PMS1: variants seen among roughly 807,000 people sequenced by gnomAD.
PMS1 encodes the protein PMS1 homolog 1, mismatch repair system component, also known as PMS1 protein homolog 1.
Under a neutral mutation model 93.1 loss-of-function variants are expected in PMS1, and 79 were observed. The observed-to-expected ratio is 0.85, with a 90% CI of 0.71 to 1.02. The LOEUF is 1.02. Ranked by LOEUF, PMS1 falls within the 50% of genes least tolerant of loss-of-function variation. The pLI is 0.00. For missense variants in PMS1, 1,064 were observed against 1,085.3 expected (o/e 0.98, Z 0.28); for synonymous variants, 335 against 363.4 (o/e 0.92, Z 0.89).
At chr2:189,866,614 A>C (rs750608479) in intron 10 of PMS1, among the ~76,000 whole-genome samples, 1 of 152,186 alleles carries the variant, frequency 6.6e-6, no homozygotes, top group African/African-American at 2.4e-5. Context: ...CCTATAAAGT[A>C]AGGGCTCAAT....
chr2:189,810,787 CACTCT>C (rs941996615), intron 4 of PMS1, among the ~76,000 whole-genome samples: 15 of 152,242 alleles, frequency 9.9e-5, no homozygotes, highest in African/African-American at 3.6e-4. Flanking sequence ...ATATATTCTT[CACTCT>C]ACTCTTGGCA....
At chr2:189,793,794 C>T (rs1444745425) in intron 2 of PMS1, among the ~76,000 whole-genome samples, 1 of 152,218 alleles carries the variant, frequency 6.6e-6, no homozygotes, top group Non-Finnish European at 1.5e-5. Context: ...TTAAGATATA[C>T]ACCTTAAATG....
chr2:189,800,581 G>A (rs1354174076), intron 3 of PMS1, among the ~76,000 whole-genome samples: 1 of 151,992 alleles, frequency 6.6e-6, no homozygotes, highest in Non-Finnish European at 1.5e-5. Context: ...AAAGAATTGA[G>A]GTTTCATATA....
rs748563735 is a variant in PMS1, at chr2:189,855,064, T to A, written c.1792T>A (p.Leu598Ile). The A allele has an allele frequency of 1.9e-6, 3 of 1,613,238 alleles. No individual in the cohort carries two copies. The highest frequency in any genetic ancestry group is 2.5e-6 in the Non-Finnish European group (3 of 1,179,386). Residue 598 changes from leucine to isoleucine, a missense_variant, in exon 9 of 13, where the codon TTA becomes ATA. Coordinates refer to ENST00000441310, the MANE Select transcript of PMS1 (RefSeq NM_000534.5). ...TCTCATAGAAAATCCTAAGACTAGT[T>A]TAGAGGATGCAACACTACAAATTGA... ...QFLIENPKTS[L>I]EDATLQIEEL...
At chr2:189,855,152 G>T (rs201491881) in intron 9 of PMS1, 24 bp downstream of exon 9, 2 of 1,593,578 alleles carry the variant, frequency 1.3e-6, no homozygotes, top group African/African-American at 2.7e-5. Flanking sequence ...GCTTGCATGT[G>T]ACTTGAATGT....
At chr2:189,866,678 A>T (rs918389629) in intron 10 of PMS1, among the ~76,000 whole-genome samples, 1 of 152,222 alleles carries the variant, frequency 6.6e-6, no homozygotes, top group African/African-American at 2.4e-5. Flanking sequence ...GTATGATAGG[A>T]ATTTGGCAAA....
chr2:189,853,738 A>G (rs929331789), intron 7 of PMS1, among the ~76,000 whole-genome samples: 3 of 151,828 alleles, frequency 2.0e-5, no homozygotes, highest in Non-Finnish European at 1.5e-5. Context: ...GCTGGTCTTG[A>G]ACTCCTGACC....
chr2:189,810,971 A>G (rs2050788372), intron 4 of PMS1, among the ~76,000 whole-genome samples: 1 of 147,904 alleles, frequency 6.8e-6, no homozygotes, highest in Non-Finnish European at 1.5e-5. Context: ...AGATGTTTGA[A>G]TTAACAGACA....
At chr2:189,860,097 C>T (rs2055792181) in intron 9 of PMS1, among the ~76,000 whole-genome samples, 1 of 152,084 alleles carries the variant, frequency 6.6e-6, no homozygotes. Flanking sequence ...GTAAAATTTA[C>T]CTAATGTGAA....
chr2:189,849,940 T>C (rs1386377373), intron 6 of PMS1, among the ~76,000 whole-genome samples: 1 of 150,414 alleles, frequency 6.6e-6, no homozygotes. Flanking sequence ...CAGATTTCAG[T>C]CCCCTGTCTT....
chr2:189,810,218 T>C (rs1366322700), intron 4 of PMS1, among the ~76,000 whole-genome samples: 1 of 152,216 alleles, frequency 6.6e-6, no homozygotes, highest in Admixed American at 6.5e-5. Flanking sequence ...AGTGTAACCT[T>C]TCGGCAAGAG....
chr2:189,877,154 T>G, intron 12 of PMS1, 118 bp from the exon 13 acceptor site: 1 of 834,760 alleles, frequency 1.2e-6, no homozygotes, highest in Non-Finnish European at 1.9e-6. Flanking sequence ...AATAAATATT[T>G]GTTGAGTGAA....
intron 1 of PMS1, among the ~76,000 whole-genome samples, chr2:189,789,912 A>C (rs2048692586): frequency 6.6e-6 from 1 of 152,146 alleles, no homozygotes; most frequent in Non-Finnish European, 1.5e-5. Flanking sequence ...AATAAGATGC[A>C]AAAAGCACCC....
At chr2:189,831,503 G>A (rs1453078818) in intron 5 of PMS1, among the ~76,000 whole-genome samples, 1 of 152,150 alleles carries the variant, frequency 6.6e-6, no homozygotes, top group Non-Finnish European at 1.5e-5. Flanking sequence ...AGTGGCAAAG[G>A]ACCAGAAAAG....
intron 5 of PMS1, among the ~76,000 whole-genome samples, chr2:189,831,603 C>G (rs1327967897): frequency 6.6e-6 from 1 of 152,086 alleles, no homozygotes; most frequent in African/African-American, 2.4e-5. Context: ...ATTTGAGTTT[C>G]TCCTATAATG....
intron 12 of PMS1, among the ~76,000 whole-genome samples, chr2:189,876,314 A>T (rs142259868): frequency 1.6e-3 from 245 of 152,188 alleles, no homozygotes; most frequent in African/African-American, 5.8e-3. Context: ...ATTAGAGAGG[A>T]ATAAGAAGAT....
At chr2:189,817,634 G>A (rs949341366) in intron 4 of PMS1, among the ~76,000 whole-genome samples, 2 of 152,056 alleles carry the variant, frequency 1.3e-5, no homozygotes, top group African/African-American at 4.8e-5. Flanking sequence ...GTAACATAAG[G>A]TTATTATATA....
In PMS1 at chr2:189,827,914, T is replaced by TTTTGTTTGTTTG. The variant is rs57432899; in HGVS notation, c.582+9751_582+9762dup. On this transcript the variant is annotated intron_variant, in intron 5 of 12. Coordinates refer to ENST00000441310, the MANE Select transcript of PMS1 (RefSeq NM_000534.5). ...AAAGTTATGGTTAGGAAAAATAAGG[T>TTTTGTTTGTTTG]TTTGTTTGTTTGTTTGTTTGTTTGT... Among the ~76,000 whole-genome samples the TTTTGTTTGTTTG allele has an allele frequency of 2.1e-4, 31 of 150,142 alleles. 1 individual carries two copies. In the South Asian group the frequency reaches 2.1e-3, roughly 10 times the overall value.
intron 6 of PMS1, 75 bp from the exon 7 acceptor site, chr2:189,852,580 C>A (rs2054855621): frequency 7.7e-7 from 1 of 1,292,194 alleles, no homozygotes; most frequent in African/African-American, 1.5e-5. Flanking sequence ...TTTTTTATAC[C>A]TTTCAAAGTG....
Sources: allele counts gnomAD v4.1 joint callset (sites outside exome capture counted in the v4.1 genomes callset), GRCh38; gene constraint gnomAD v4.1.1; transcripts MANE v1.5; gene names NCBI Gene and HGNC (gene_info 2026-07-23, HGNC 2026-07-21).